Variants in FBLIM1 observed in about 807,000 individuals in gnomAD.
The protein encoded by FBLIM1 is filamin-binding LIM protein 1.
FBLIM1 carries 29 observed loss-of-function variants against 37.4 expected under a neutral mutation model. That is an observed-to-expected ratio of 0.77 (90% CI 0.58 to 1.06). The LOEUF is 1.06. FBLIM1 is among the 50% of genes least tolerant of loss of function. The probability of loss-of-function intolerance (pLI) is 0.00; values close to 1 mark genes in which losing one functional copy is unlikely to be tolerated. For synonymous variants in FBLIM1, 193 were observed against 199.0 expected (o/e 0.97, Z 0.25); for missense variants, 449 against 505.6 (o/e 0.89, Z 1.07).
At position 15,765,343 on chromosome 1, in the gene FBLIM1, C is replaced by T; in HGVS notation, c.250+110C>T. On this transcript the variant is annotated intron_variant, in intron 3 of 8. Transcript: ENST00000375766. This position sits in a 1 kb window ranked among gnomAD's most constrained non-coding sequence, Gnocchi z 5.9. ...TCATTATTCATCCTGACAAAATTCACACATCAACGGGAAACAAAAAGATGT... is the reference window on the plus strand; with the variant it reads ...TCATTATTCATCCTGACAAAATTCATACATCAACGGGAAACAAAAAGATGT... 2.8e-6 allele frequency: 4 copies of T among 1,424,694 alleles called. No individual in the cohort carries two copies. Among genetic ancestry groups the T allele is most frequent in the Non-Finnish European group, 3.8e-6 (4 of 1,065,914 alleles). 88.3% of individuals were successfully genotyped at this position (1,424,694 alleles called of 1,614,324 possible).
At chr1:15,759,224 G>A (rs1038104519) in intron 1 of FBLIM1, among the ~76,000 whole-genome samples, 22 of 152,148 alleles carry the variant, frequency 1.4e-4, no homozygotes, top group South Asian at 4.1e-4. Flanking sequence ...CGGTGACCCC[G>A]GCGGCCGCCC....
chr1:15,764,864 C>T, intron 2 of FBLIM1, 100 bp from the exon 3 acceptor site: 1 of 1,386,488 alleles, frequency 7.2e-7, no homozygotes, highest in Non-Finnish European at 9.7e-7. Context: ...GGTAGGGTGG[C>T]TGGCCTGTCT....
chr1:15,776,885 A>AT (rs2069508662), intron 7 of FBLIM1: 3 of 246,684 alleles, frequency 1.2e-5, no homozygotes, highest in Non-Finnish European at 1.5e-5. Flanking sequence ...AAAAAAAAAA[A>AT]GAAGTACTGA....
rs560698021 is a variant in FBLIM1 at position 15,774,973 on chromosome 1, C to T, written c.890+177C>T. The T allele has an allele frequency of 9.5e-6, 13 of 1,371,378 alleles. No individual in the cohort carries two copies. The highest frequency in any genetic ancestry group is 1.5e-5 in the African/African-American group (1 of 68,936). The allele number at this position is 1,371,378 out of a possible 1,614,324, so 85.0% of individuals were successfully genotyped here. A position where few individuals can be genotyped will look rare whatever the true frequency, so the allele number is the denominator to read the frequency against. On this transcript the variant is annotated intron_variant, in intron 7 of 8. Coordinates refer to ENST00000375766, the MANE Select transcript of FBLIM1 (RefSeq NM_017556.4). ...GTGGCTCACGCCTGTAATCCCAGCA[C>T]TTTGGGAGGCCGAGGCGGGTGGATC...
At chr1:15,760,620 A>G (rs979509327) in intron 1 of FBLIM1, among the ~76,000 whole-genome samples, 1 of 149,148 alleles carries the variant, frequency 6.7e-6, no homozygotes, top group Non-Finnish European at 1.5e-5. Flanking sequence ...AACAAGGAGT[A>G]GGAAGGAGGA....
At chr1:15,777,014 C>T (rs1335201789) in intron 7 of FBLIM1, 156 bp from the exon 8 acceptor site, 11 of 649,250 alleles carry the variant, frequency 1.7e-5, no homozygotes, top group Non-Finnish European at 3.0e-5. Flanking sequence ...TCTCCACCTG[C>T]TCCTGCCAAG....
intron 6 of FBLIM1, among the ~76,000 whole-genome samples, chr1:15,770,836 A>G (rs1438014455): frequency 6.6e-6 from 1 of 152,234 alleles, no homozygotes; most frequent in Non-Finnish European, 1.5e-5. Context: ...TCAAAAGTCC[A>G]AAATCAGCTT....
At chr1:15,763,414 C>T (rs77177531) in intron 1 of FBLIM1, among the ~76,000 whole-genome samples, 50,711 of 151,070 alleles carry the variant, frequency 0.34, 9,065 homozygotes, top group African/African-American at 0.46. Context: ...GGGCGGATCA[C>T]GAGGTCAGGA....
intron 1 of FBLIM1, among the ~76,000 whole-genome samples, chr1:15,762,784 C>T (rs1447902867): frequency 6.6e-6 from 1 of 152,240 alleles, no homozygotes; most frequent in African/African-American, 2.4e-5. Context: ...GTGAGCCAGC[C>T]TGTCCTGCCC....
chr1:15,773,105 A>G (rs2069299711), intron 6 of FBLIM1, among the ~76,000 whole-genome samples: 1 of 152,090 alleles, frequency 6.6e-6, no homozygotes. Flanking sequence ...TTAAAGCATC[A>G]TATAAAATTA....
chr1:15,774,980 A>G (rs2069423688), intron 7 of FBLIM1, 184 bp downstream of exon 7: 2 of 1,321,024 alleles, frequency 1.5e-6, no homozygotes, highest in Admixed American at 2.4e-5. Flanking sequence ...GCACTTTGGG[A>G]GGCCGAGGCG....
rs184739588 is a variant in FBLIM1 at position 15,768,772 on chromosome 1, A to T, written c.541+142A>T. On this transcript the variant is annotated intron_variant, in intron 5 of 8. Coordinates refer to ENST00000375766, the MANE Select transcript of FBLIM1 (RefSeq NM_017556.4). ...ACAATGATGGGCTTTGTAGTTCGGCATCCATTTAATTTGTATTGCTTTAGC... is the reference window on the plus strand; with the variant it reads ...ACAATGATGGGCTTTGTAGTTCGGCTTCCATTTAATTTGTATTGCTTTAGC... 3.4e-3 allele frequency: 1,749 copies of T among 513,106 alleles called. 8 individuals are homozygous for T. Among genetic ancestry groups the T allele is most frequent in the Non-Finnish European group, 4.5e-3 (1,356 of 298,758 alleles). The allele number at this position is 513,106 out of a possible 1,614,324, so 31.8% of individuals were successfully genotyped here.
chr1:15,785,497 T>A lies in FBLIM1; in HGVS notation c.*836T>A, dbSNP rs1354850995. ...TAAAAATACAAAAATTAGCTGGGTG[T>A]GGTGGCGTGCGCCTGTAATCCCAGC... On this transcript the variant is annotated 3_prime_UTR_variant, in exon 9 of 9. Coordinates refer to ENST00000375766, the MANE Select transcript of FBLIM1 (RefSeq NM_017556.4). 1 of 151,908 alleles carries A rather than the reference T, an allele frequency of 6.6e-6. No homozygotes were observed. Among genetic ancestry groups the A allele is most frequent in the East Asian group, 1.9e-4 (1 of 5,174 alleles). The allele number at this position is 151,908 out of a possible 1,614,324, so 9.4% of individuals were successfully genotyped here.
intron 3 of FBLIM1, among the ~76,000 whole-genome samples, chr1:15,766,901 T>C (rs1266442949): frequency 4.0e-5 from 6 of 151,006 alleles, no homozygotes; most frequent in Admixed American, 2.0e-4. Context: ...CTTTTTTTTT[T>C]TTTTTTGAGA....
intron 2 of FBLIM1, 80 bp downstream of exon 2, chr1:15,764,765 C>G (rs1002001199): frequency 6.1e-6 from 4 of 659,402 alleles, no homozygotes; most frequent in Admixed American, 3.0e-5. Context: ...ACCCCTGTGG[C>G]CAAGTTCCCT....
intron 7 of FBLIM1, chr1:15,775,113 G>A (rs916505781): frequency 1.1e-5 from 5 of 467,958 alleles, no homozygotes; most frequent in African/African-American, 2.0e-5. Flanking sequence ...CCAGCTACTC[G>A]GGAGGCTGAG....
At position 15,764,606 on chromosome 1, in the gene FBLIM1, G is replaced by A. The variant is rs1338953705; in HGVS notation, c.-100G>A. The A allele has an allele frequency of 2.0e-5, 4 of 204,854 alleles. No individual in the cohort carries two copies. Among genetic ancestry groups the A allele is most frequent in the Non-Finnish European group, 2.9e-5 (3 of 103,174 alleles). The allele number at this position is 204,854 out of a possible 1,614,324, so 12.7% of individuals were successfully genotyped here. ...GCAGGCGGGACTCCAGACTGGGAAC[G>A]GAAGTCAGCCCTGCTGGGGCTGGGA... is the stretch of plus-strand genomic sequence containing the variant. On this transcript the variant is annotated 5_prime_UTR_variant, in exon 2 of 9. Transcript: ENST00000375766.
chr1:15,763,592 TGC>T (rs2068781466), intron 1 of FBLIM1, among the ~76,000 whole-genome samples: 1 of 150,140 alleles, frequency 6.7e-6, no homozygotes, highest in South Asian at 2.2e-4. Flanking sequence ...GCCAAGATCG[TGC>T]CACTGCACTC....
chr1:15,779,931 A>G (rs2069593929), intron 8 of FBLIM1, among the ~76,000 whole-genome samples: 1 of 152,122 alleles, frequency 6.6e-6, no homozygotes, highest in African/African-American at 2.4e-5. Flanking sequence ...GCTGGAGTGC[A>G]GTAGTGTGAT....
Sources: allele counts gnomAD v4.1 joint callset (sites outside exome capture counted in the v4.1 genomes callset), GRCh38; gene constraint gnomAD v4.1.1; non-coding constraint Gnocchi (gnomAD v3.1); transcripts MANE v1.5; gene names NCBI Gene and HGNC (gene_info 2026-07-23, HGNC 2026-07-21).